RNF115: variants seen among roughly 807,000 people sequenced by gnomAD.
RNF115 encodes the protein E3 ubiquitin-protein ligase RNF115.
A neutral mutation model predicts 39.2 loss-of-function variants in RNF115; 31 were observed. The ratio of observed to expected loss-of-function variants is 0.79; its 90% CI spans 0.59 to 1.07. The LOEUF (loss-of-function observed/expected upper bound fraction) is 1.07, where lower values mean the gene tolerates loss of function less well. Among genes scored for constraint, RNF115 ranks in the 50% least tolerant of loss-of-function variants. The pLI is 0.00. For synonymous variants in RNF115, 124 were observed against 131.0 expected (o/e 0.95, Z 0.37); for missense variants, 384 against 381.7 (o/e 1.01, Z -0.05).
At chr1:145,762,503 G>C in intron 4 of RNF115, among the ~76,000 whole-genome samples, 1 of 151,976 alleles carries the variant, frequency 6.6e-6, no homozygotes, top group East Asian at 1.9e-4. Context: ...AATCTATTAA[G>C]ATAAAAAAGA....
chr1:145,784,118 G>A (rs1412004695), intron 3 of RNF115, among the ~76,000 whole-genome samples: 1 of 152,140 alleles, frequency 6.6e-6, no homozygotes, highest in Non-Finnish European at 1.5e-5. Context: ...CAGTACCTCT[G>A]TACAAGGTTG....
chr1:145,774,178 G>A lies in RNF115; in HGVS notation c.220-2259C>T, dbSNP rs587710039. 8.5e-5 allele frequency among the ~76,000 whole-genome samples: 13 copies of A among 152,120 alleles called. No individual in the cohort carries two copies. The South Asian group carries it at 1.2e-3, about 15-fold the overall frequency. On this transcript the variant is annotated intron_variant, in intron 3 of 8. Coordinates refer to ENST00000582693, the MANE Select transcript of RNF115 (RefSeq NM_014455.4). ...ACAGAAGTCCTACTCTACCATTTTC[G>A]CTGACATCACCCTGTCATTGTGGTT...
intron 4 of RNF115, among the ~76,000 whole-genome samples, chr1:145,761,682 C>T (rs113153892): frequency 8.8e-4 from 134 of 152,332 alleles, no homozygotes; most frequent in African/African-American, 3.1e-3. Flanking sequence ...TCTGCTAGGG[C>T]GGTGCGGAAG....
rs587616653 is a variant in RNF115, at chr1:145,812,552, C to T, written c.102+11220G>A. Reference sequence around the variant, plus strand: ...GCGCACACCCATAATCTCAGTTACTCGGGAGGCTGAGGCACAAGAATTGCT... The same window carrying T: ...GCGCACACCCATAATCTCAGTTACTTGGGAGGCTGAGGCACAAGAATTGCT... On this transcript the variant is annotated intron_variant, in intron 1 of 8. Transcript: ENST00000582693. Among the ~76,000 whole-genome samples the T allele has an allele frequency of 9.9e-5, 15 of 151,496 alleles. No individual in the cohort carries two copies. The East Asian group carries it at 2.1e-3, about 22-fold the overall frequency.
rs1657779020 is a variant in RNF115 at position 145,743,918 on chromosome 1, T to C, written c.*2948A>G. ...CCATTATAAGAAGAAACACAACAGA[T>C]CCATTAAGTGGGACAGGTCTGGGAA... is the stretch of plus-strand genomic sequence containing the variant. On this transcript the variant is annotated 3_prime_UTR_variant, in exon 9 of 9. Transcript: ENST00000582693. The C allele has an allele frequency of 6.6e-6, 1 of 152,138 alleles. No individual in the cohort carries two copies. Among genetic ancestry groups the C allele is most frequent in the Non-Finnish European group, 1.5e-5 (1 of 68,032 alleles). 9.4% of individuals were successfully genotyped at this position (152,138 alleles called of 1,614,324 possible). A position where few individuals can be genotyped will look rare whatever the true frequency, so the allele number is the denominator to read the frequency against.
chr1:145,781,894 C>G (rs939121835), intron 3 of RNF115, among the ~76,000 whole-genome samples: 6 of 148,588 alleles, frequency 4.0e-5, no homozygotes, highest in Non-Finnish European at 8.9e-5. Context: ...ACTCTGTACA[C>G]TTTTCCTTTT....
chr1:145,795,347 G>A (rs587734469), intron 1 of RNF115, among the ~76,000 whole-genome samples: 3 of 152,176 alleles, frequency 2.0e-5, no homozygotes, highest in Middle Eastern at 3.4e-3. Context: ...TCCACAACGC[G>A]GAAGGGACCC....
rs111376607 is a variant in RNF115, at chr1:145,745,459, A to ATT, written c.*1405_*1406dup. ...AAACAAAAAAAGCAGTGAGTTGGGGATTTTTTTTTTTTTTTTGAGATGGAG... is the reference window on the plus strand; with the variant it reads ...AAACAAAAAAAGCAGTGAGTTGGGGATTTTTTTTTTTTTTTTTTGAGATGGAG... On this transcript the variant is annotated 3_prime_UTR_variant, in exon 9 of 9. Coordinates refer to ENST00000582693, the MANE Select transcript of RNF115 (RefSeq NM_014455.4). The ATT allele has an allele frequency of 5.4e-4, 75 of 138,662 alleles. No homozygotes were observed. Among genetic ancestry groups the ATT allele is most frequent in the East Asian group, 8.6e-4 (4 of 4,654 alleles). The allele number at this position is 138,662 out of a possible 1,614,324, so 8.6% of individuals were successfully genotyped here. A position where few individuals can be genotyped will look rare whatever the true frequency, so the allele number is the denominator to read the frequency against.
Position 145,784,609 on chromosome 1 carries a change from G to A in RNF115, c.162-13C>T, listed in dbSNP as rs1553717898. Reference sequence around the variant, plus strand: ...ACCACCTAAAAAACTAAAGAGAAAAGGAATGAGTGGTGATTCTATTCCCAG... The same window carrying A: ...ACCACCTAAAAAACTAAAGAGAAAAAGAATGAGTGGTGATTCTATTCCCAG... On this transcript the variant is annotated splice_polypyrimidine_tract_variant and intron_variant, in intron 2 of 8. Coordinates refer to ENST00000582693, the MANE Select transcript of RNF115 (RefSeq NM_014455.4). 13 of 1,612,114 alleles carry A rather than the reference G, an allele frequency of 8.1e-6. No homozygotes were observed. In the East Asian group the frequency reaches 2.5e-4, roughly 30 times the overall value.
Position 145,753,459 on chromosome 1 carries a change from A to G in RNF115, c.429-410T>C, listed in dbSNP as rs587681341. Among the ~76,000 whole-genome samples the G allele has an allele frequency of 2.0e-5, 3 of 152,190 alleles. No homozygotes were observed. The South Asian group carries it at 6.2e-4, about 32-fold the overall frequency. On this transcript the variant is annotated intron_variant, in intron 4 of 8. Coordinates refer to ENST00000582693, the MANE Select transcript of RNF115 (RefSeq NM_014455.4). ...TGTACACATTGGGTTTCTGAATAAG[A>G]TATCATTTAAAGAGTCCTTTAAAAA...
At chr1:145,766,970 G>T (rs1177433659) in intron 4 of RNF115, among the ~76,000 whole-genome samples, 1 of 139,222 alleles carries the variant, frequency 7.2e-6, no homozygotes, top group Non-Finnish European at 1.5e-5. Context: ...CTCCCGGTCG[G>T]GGTGGCTGGC....
intron 7 of RNF115, among the ~76,000 whole-genome samples, chr1:145,749,737 C>T (rs1394007701): frequency 1.3e-5 from 2 of 152,124 alleles, no homozygotes; most frequent in Non-Finnish European, 2.9e-5. Flanking sequence ...CACACTGCCC[C>T]TAGACTAATC....
In RNF115 at chr1:145,745,459, ATTTTTTT is replaced by A. The variant is rs111376607; in HGVS notation, c.*1400_*1406del. On this transcript the variant is annotated 3_prime_UTR_variant, in exon 9 of 9. Transcript: ENST00000582693. The stretch of plus-strand genomic sequence containing the variant: ...AAACAAAAAAAGCAGTGAGTTGGGG[ATTTTTTT>A]TTTTTTTTTGAGATGGAGTTTCGCT... The A allele has an allele frequency of 3.6e-5, 5 of 138,634 alleles. No homozygotes were observed. Among genetic ancestry groups the A allele is most frequent in the African/African-American group, 1.3e-4 (5 of 37,378 alleles). 8.6% of individuals were successfully genotyped at this position (138,634 alleles called of 1,614,324 possible). A position where few individuals can be genotyped will look rare whatever the true frequency, so the allele number is the denominator to read the frequency against.
intron 3 of RNF115, among the ~76,000 whole-genome samples, chr1:145,777,515 A>G (rs1287680259): frequency 6.6e-6 from 1 of 152,208 alleles, no homozygotes; most frequent in African/African-American, 2.4e-5. Context: ...AGAACACAGG[A>G]TGGAAAAGCA....
chr1:145,763,703 AAAC>A (rs1330688746), intron 4 of RNF115, among the ~76,000 whole-genome samples: 3 of 152,208 alleles, frequency 2.0e-5, no homozygotes, highest in African/African-American at 7.2e-5. Context: ...CCTCTCAAAA[AAAC>A]AAAACAAAAC....
At chr1:145,767,180 G>A (rs1367229012) in intron 4 of RNF115, among the ~76,000 whole-genome samples, 1 of 151,612 alleles carries the variant, frequency 6.6e-6, no homozygotes, top group Non-Finnish European at 1.5e-5. Flanking sequence ...CCCGGACGGG[G>A]TGGCTGCCGG....
chr1:145,769,760 TAA>T (rs11286047), intron 4 of RNF115, among the ~76,000 whole-genome samples: 1 of 125,588 alleles, frequency 8.0e-6, no homozygotes, highest in Non-Finnish European at 1.6e-5. Flanking sequence ...TAAAAATCCT[TAA>T]AAAAAAAAAA....
At chr1:145,797,735 A>C (rs1553720314) in intron 1 of RNF115, among the ~76,000 whole-genome samples, 1 of 152,182 alleles carries the variant, frequency 6.6e-6, no homozygotes, top group African/African-American at 2.4e-5. Context: ...TTTCCATCAC[A>C]GTTGCACCAT....
intron 1 of RNF115, among the ~76,000 whole-genome samples, chr1:145,798,408 CTGTT>C (rs1409168056): frequency 6.6e-6 from 1 of 152,092 alleles, no homozygotes; most frequent in African/African-American, 2.4e-5. Context: ...TTTCCCAACA[CTGTT>C]TGCTGAAGAG....
Sources: allele counts gnomAD v4.1 joint callset (sites outside exome capture counted in the v4.1 genomes callset), GRCh38; gene constraint gnomAD v4.1.1; transcripts MANE v1.5; gene names NCBI Gene and HGNC (gene_info 2026-07-23, HGNC 2026-07-21).